The following MCC variants were observed in gnomAD, a reference collection of about 807,000 sequenced individuals.
The protein encoded by MCC is colorectal mutant cancer protein.
Under a neutral mutation model 116.2 loss-of-function variants are expected in MCC, and 90 were observed. The ratio of observed to expected loss-of-function variants is 0.77; its 90% CI spans 0.65 to 0.92. The LOEUF is 0.92. Among genes scored for constraint, MCC ranks in the 40% least tolerant of loss-of-function variants. MCC has a pLI of 0.00. For synonymous variants in MCC, 578 were observed against 510.5 expected (o/e 1.13, Z -1.78); for missense variants, 1,516 against 1,312.2 (o/e 1.16, Z -2.40).
At chr5:113,319,032 T>A (rs1225201699) in intron 3 of MCC, among the ~76,000 whole-genome samples, 1 of 152,110 alleles carries the variant, frequency 6.6e-6, no homozygotes, top group Non-Finnish European at 1.5e-5. Flanking sequence ...CACATCTGGA[T>A]AATTTCTTAT....
intron 3 of MCC, among the ~76,000 whole-genome samples, chr5:113,164,978 G>A (rs1317558074): frequency 2.0e-5 from 3 of 152,168 alleles, no homozygotes; most frequent in African/African-American, 7.2e-5. Flanking sequence ...AGCCAAAAAG[G>A]CGCTGTTCTA....
intron 17 of MCC, among the ~76,000 whole-genome samples, chr5:113,039,697 C>T (rs1425314188): frequency 6.7e-6 from 1 of 148,774 alleles, no homozygotes; most frequent in Non-Finnish European, 1.5e-5. Context: ...CTCAGCCTTG[C>T]CGTCCCACTC....
Position 113,367,215 on chromosome 5 carries a change from T to C in MCC, c.415+17753A>G, listed in dbSNP as rs530693100. On this transcript the variant is annotated intron_variant, in intron 2 of 18. Transcript: ENST00000408903. Reference sequence around the variant, plus strand: ...TAAATAATGAATATGCAAATTATTATAATGAAAATACATATTTACAGATAA... The same window carrying C: ...TAAATAATGAATATGCAAATTATTACAATGAAAATACATATTTACAGATAA... Among the ~76,000 whole-genome samples, 3 of 152,332 alleles carry C rather than the reference T, an allele frequency of 2.0e-5. No individual in the cohort carries two copies. The East Asian group carries it at 5.8e-4, about 29-fold the overall frequency.
At chr5:113,151,590 G>C (rs2165930) in intron 3 of MCC, among the ~76,000 whole-genome samples, 168 bp from the exon 4 acceptor site, 73,375 of 152,120 alleles carry the variant, frequency 0.48, 19,827 homozygotes, top group East Asian at 0.62. Context: ...CATAAGTCAG[G>C]TGTGCTACCA....
intron 3 of MCC, among the ~76,000 whole-genome samples, chr5:113,193,493 G>A (rs1452619952): frequency 6.6e-6 from 1 of 152,120 alleles, no homozygotes; most frequent in Non-Finnish European, 1.5e-5. Context: ...CATGTTTGTT[G>A]TCAAATCCTC....
At chr5:113,445,619 A>G (rs1397661942) in intron 1 of MCC, among the ~76,000 whole-genome samples, 1 of 152,216 alleles carries the variant, frequency 6.6e-6, no homozygotes, top group Non-Finnish European at 1.5e-5. Flanking sequence ...AAAATATTCC[A>G]TGCTCATGGA....
chr5:113,358,094 G>T (rs1165303988), intron 2 of MCC, among the ~76,000 whole-genome samples: 1 of 152,168 alleles, frequency 6.6e-6, no homozygotes, highest in African/African-American at 2.4e-5. Context: ...CATTGCTGCA[G>T]ACCCATATAG....
intron 6 of MCC, among the ~76,000 whole-genome samples, chr5:113,120,346 G>A (rs1561371734): frequency 6.6e-6 from 1 of 152,176 alleles, no homozygotes; most frequent in Non-Finnish European, 1.5e-5. Flanking sequence ...TTAGTTGGGG[G>A]AAGTGTCTTC....
chr5:113,142,250 T>C (rs139815926), intron 5 of MCC, among the ~76,000 whole-genome samples: 1 of 152,020 alleles, frequency 6.6e-6, no homozygotes, highest in African/African-American at 2.4e-5. Flanking sequence ...CCTCTGAAAC[T>C]GTTTTAAAAT....
chr5:113,228,850 G>C (rs149212040), intron 3 of MCC, among the ~76,000 whole-genome samples: 4 of 152,192 alleles, frequency 2.6e-5, no homozygotes, highest in African/African-American at 4.8e-5. Context: ...TGTGGGTTTG[G>C]TGACAGATTA....
intron 2 of MCC, among the ~76,000 whole-genome samples, chr5:113,368,269 T>C (rs2150387949): frequency 6.6e-6 from 1 of 152,350 alleles, no homozygotes; most frequent in Non-Finnish European, 1.5e-5. Flanking sequence ...GAAGAATCTT[T>C]TCTTTGTCCC....
intron 3 of MCC, among the ~76,000 whole-genome samples, chr5:113,219,167 T>C (rs1763445871): frequency 1.3e-5 from 2 of 152,242 alleles, no homozygotes; most frequent in African/African-American, 2.4e-5. Flanking sequence ...ACAAGTTCGC[T>C]GCTTTTCCTT....
chr5:113,418,689 TATCATC>T (rs58461374), intron 1 of MCC, among the ~76,000 whole-genome samples: 10 of 131,216 alleles, frequency 7.6e-5, no homozygotes, highest in South Asian at 6.9e-4. Context: ...TCATCATTAT[TATCATC>T]ATCATCATCA....
intron 3 of MCC, among the ~76,000 whole-genome samples, chr5:113,338,717 G>T (rs1288353213): frequency 6.6e-6 from 1 of 152,202 alleles, no homozygotes; most frequent in African/African-American, 2.4e-5. Flanking sequence ...ATTTGAAGCA[G>T]GCATAGCCTA....
intron 8 of MCC, among the ~76,000 whole-genome samples, chr5:113,096,077 C>T (rs1445320596): frequency 1.3e-5 from 2 of 152,194 alleles, no homozygotes; most frequent in Admixed American, 1.3e-4. Context: ...GGTGAAGGGA[C>T]AGTGCAGGGC....
At chr5:113,333,850 T>TACATATGTACATAG in intron 3 of MCC, among the ~76,000 whole-genome samples, 1 of 133,392 alleles carries the variant, frequency 7.5e-6, no homozygotes, top group African/African-American at 2.8e-5. Context: ...TATGTATATA[T>TACATATGTACATAG]GTACATATAT....
chr5:113,361,622 A>G (rs975092296), intron 2 of MCC, among the ~76,000 whole-genome samples: 1 of 152,230 alleles, frequency 6.6e-6, no homozygotes, highest in Non-Finnish European at 1.5e-5. Flanking sequence ...GATAGCTGGT[A>G]AAACATTATT....
chr5:113,388,596 C>T (rs933896816), intron 1 of MCC, among the ~76,000 whole-genome samples: 3 of 152,188 alleles, frequency 2.0e-5, no homozygotes, highest in African/African-American at 7.2e-5. Context: ...CTTGCTCCCT[C>T]TCTTGCTATG....
intron 11 of MCC, among the ~76,000 whole-genome samples, chr5:113,071,930 T>C (rs1299090422): frequency 6.6e-6 from 1 of 152,220 alleles, no homozygotes; most frequent in Non-Finnish European, 1.5e-5. Context: ...TTACACAGTC[T>C]AGCAGCTCTA....
Sources: allele counts gnomAD v4.1 joint callset (sites outside exome capture counted in the v4.1 genomes callset), GRCh38; gene constraint gnomAD v4.1.1; transcripts MANE v1.5; gene names NCBI Gene and HGNC (gene_info 2026-07-23, HGNC 2026-07-21).